Variants in ADGRL2 observed in about 807,000 individuals in gnomAD.
ADGRL2 encodes the protein adhesion G protein-coupled receptor L2.
In ADGRL2, 44 loss-of-function variants were observed where a neutral mutation model predicts 157.4. That is an observed-to-expected ratio of 0.28 (90% CI 0.22 to 0.36). ADGRL2 has a LOEUF of 0.36. Ranked by LOEUF, ADGRL2 falls within the 10% of genes least tolerant of loss-of-function variation. ADGRL2 has a pLI of 1.00. For synonymous variants in ADGRL2, 585 were observed against 624.7 expected, an observed-to-expected ratio of 0.94 and a Z score of 0.95; for missense variants, 1,510 against 1,768.9, an observed-to-expected ratio of 0.85 and a Z score of 2.63.
At chr1:81,690,813 C>G (rs947351459) in intron 3 of ADGRL2, among the ~76,000 whole-genome samples, 2 of 152,154 alleles carry the variant, frequency 1.3e-5, no homozygotes, top group Non-Finnish European at 2.9e-5. Flanking sequence ...GCATGTGATT[C>G]ATTTCACTCT....
chr1:81,353,229 C>T (rs921586263), intron 1 of ADGRL2, among the ~76,000 whole-genome samples: 1 of 152,100 alleles, frequency 6.6e-6, no homozygotes, highest in Admixed American at 6.5e-5. Context: ...GACTGCATTG[C>T]CATGAAAGGT....
intron 1 of ADGRL2, among the ~76,000 whole-genome samples, chr1:81,712,660 A>T (rs1350807002): frequency 1.3e-5 from 2 of 151,946 alleles, no homozygotes; most frequent in African/African-American, 4.8e-5. Flanking sequence ...TGGGATATAT[A>T]TAACTAGGAA....
intron 2 of ADGRL2, among the ~76,000 whole-genome samples, chr1:81,463,533 A>G (rs2077985042): frequency 6.6e-6 from 1 of 152,194 alleles, no homozygotes; most frequent in Admixed American, 6.5e-5. Context: ...CAAGGCTGCA[A>G]CTGCTGTCGG....
intron 1 of ADGRL2, among the ~76,000 whole-genome samples, chr1:81,411,681 A>T (rs2076947370): frequency 6.6e-6 from 1 of 152,082 alleles, no homozygotes; most frequent in East Asian, 1.9e-4. Flanking sequence ...TCACAAGGTC[A>T]GGAGATCGAG....
intron 10 of ADGRL2, among the ~76,000 whole-genome samples, chr1:81,955,067 G>A (rs1348890079): frequency 6.6e-6 from 1 of 152,182 alleles, no homozygotes; most frequent in African/African-American, 2.4e-5. Flanking sequence ...GATTAACTGA[G>A]TTATATTTTA....
In ADGRL2 at chr1:81,364,673, T is replaced by A. The variant is rs1364797280; in HGVS notation, c.-302+58164T>A. ...CACAAGCAGTAGTATCTTTGAGGAGTCAGGAACAATAGGATATTGGTAATT... is the reference window on the plus strand; with the variant it reads ...CACAAGCAGTAGTATCTTTGAGGAGACAGGAACAATAGGATATTGGTAATT... On this transcript the variant is annotated intron_variant, in intron 1 of 24. Coordinates refer to the ADGRL2 transcript ENST00000370721. Among the ~76,000 whole-genome samples, 4 of 151,384 alleles carry A rather than the reference T, an allele frequency of 2.6e-5. No homozygotes were observed. In the East Asian group the frequency reaches 7.8e-4, roughly 29 times the overall value.
Position 81,968,212 on chromosome 1 carries a change from A to G in ADGRL2, c.2523+13A>G. The G allele has an allele frequency of 6.2e-7, 1 of 1,604,268 alleles. No individual in the cohort carries two copies. The highest frequency in any genetic ancestry group is 8.5e-7 in the Non-Finnish European group (1 of 1,176,794). ...CAGGGAAATTGCAGTAAGTATTTGC[A>G]CTTCTAATTAGTAGCAGAGAAAAAC... On this transcript the variant is annotated intron_variant, in intron 14 of 23. Coordinates refer to ENST00000686636, the MANE Select transcript of ADGRL2 (RefSeq NM_001366006.2).
At chr1:81,650,605 GA>G (rs565450756) in intron 3 of ADGRL2, among the ~76,000 whole-genome samples, 97 of 148,860 alleles carry the variant, frequency 6.5e-4, no homozygotes, top group Non-Finnish European at 1.1e-3. Context: ...AAAAAGAAAA[GA>G]AAAGAAAAAT....
intron 2 of ADGRL2, among the ~76,000 whole-genome samples, chr1:81,881,295 C>T (rs2093980328): frequency 1.3e-5 from 2 of 152,176 alleles, no homozygotes; most frequent in African/African-American, 2.4e-5. Flanking sequence ...CCTGCCTCAG[C>T]CTCCCGAGTA....
intron 2 of ADGRL2, among the ~76,000 whole-genome samples, chr1:81,513,219 C>T (rs1472742434): frequency 6.6e-6 from 1 of 152,030 alleles, no homozygotes; most frequent in Non-Finnish European, 1.5e-5. Flanking sequence ...TTGCTGAGGA[C>T]AAAGCTAGAG....
chr1:81,900,347 G>A (rs990153154), intron 2 of ADGRL2, among the ~76,000 whole-genome samples: 13 of 152,126 alleles, frequency 8.5e-5, no homozygotes, highest in East Asian at 7.7e-4. Context: ...TTCTAGCATC[G>A]GGCTGCTCCT....
chr1:81,474,135 T>A (rs557522920), intron 2 of ADGRL2, among the ~76,000 whole-genome samples: 2 of 152,340 alleles, frequency 1.3e-5, no homozygotes, highest in South Asian at 4.1e-4. Context: ...GAATTGGATA[T>A]GAAATGAACG....
intron 1 of ADGRL2, among the ~76,000 whole-genome samples, chr1:81,384,766 T>C (rs2076405511): frequency 6.6e-6 from 1 of 152,140 alleles, no homozygotes; most frequent in South Asian, 2.1e-4. Flanking sequence ...ATTACTAATA[T>C]ATGCTTGAAA....
In ADGRL2 at chr1:81,340,476, C is replaced by A. The variant is rs139154468; in HGVS notation, c.-302+33967C>A. 6.4e-4 allele frequency among the ~76,000 whole-genome samples: 98 copies of A among 152,244 alleles called. 3 individuals are homozygous for A. In the East Asian group the frequency reaches 0.014, roughly 22 times the overall value. ...AGGGTAGCAGGGTCATCTGATTGGA[C>A]TTTCCATGGTCCTGGCTGAATAGGA... On this transcript the variant is annotated intron_variant, in intron 1 of 24. Transcript: ENST00000370721.
At chr1:81,909,328 G>A (rs2094657411) in intron 3 of ADGRL2, among the ~76,000 whole-genome samples, 1 of 151,678 alleles carries the variant, frequency 6.6e-6, no homozygotes, top group South Asian at 2.1e-4. Flanking sequence ...CCAGTTTTTG[G>A]CTTGTTTTTT....
chr1:81,960,358 A>G (rs1204267483), intron 11 of ADGRL2, among the ~76,000 whole-genome samples: 2 of 152,200 alleles, frequency 1.3e-5, no homozygotes, highest in Admixed American at 1.3e-4. Flanking sequence ...CATCTTATCA[A>G]CAAGCACATA....
chr1:81,706,208 A>G (rs979732064), intron 1 of ADGRL2, among the ~76,000 whole-genome samples: 5 of 147,044 alleles, frequency 3.4e-5, no homozygotes, highest in Admixed American at 1.4e-4. Flanking sequence ...AAAAAATAAT[A>G]ATAAAAATAA....
At chr1:81,967,807 G>C (rs982234933) in intron 13 of ADGRL2, among the ~76,000 whole-genome samples, 1 of 152,080 alleles carries the variant, frequency 6.6e-6, no homozygotes, top group Non-Finnish European at 1.5e-5. Context: ...AATGGGTCTT[G>C]GTAATTTAAA....
At chr1:81,642,589 G>A (rs1434945669) in intron 3 of ADGRL2, among the ~76,000 whole-genome samples, 2 of 152,000 alleles carry the variant, frequency 1.3e-5, no homozygotes, top group Non-Finnish European at 2.9e-5. Context: ...GAATTCACTG[G>A]TGAGTTTTAC....
Sources: allele counts gnomAD v4.1 joint callset (sites outside exome capture counted in the v4.1 genomes callset), GRCh38; gene constraint gnomAD v4.1.1; transcripts MANE v1.5; gene names NCBI Gene and HGNC (gene_info 2026-07-23, HGNC 2026-07-21).